Variants in LRFN5 observed in about 807,000 individuals in gnomAD.
LRFN5 encodes leucine-rich repeat and fibronectin type-III domain-containing protein 5.
In LRFN5, 24 loss-of-function variants were observed where a neutral mutation model predicts 45.6. The ratio of observed to expected loss-of-function variants is 0.53; its 90% CI spans 0.38 to 0.74. The LOEUF is 0.74. Among genes scored for constraint, LRFN5 ranks in the 30% least tolerant of loss-of-function variants. The pLI, the probability that LRFN5 is intolerant of heterozygous loss-of-function variation, is 0.00. For missense variants in LRFN5, 776 were observed against 861.5 expected, an observed-to-expected ratio of 0.90 and a Z score of 1.24; for synonymous variants, 340 against 313.8, an observed-to-expected ratio of 1.08 and a Z score of -0.88.
chr14:41,663,125 T>C (rs1365801326), intron 1 of LRFN5, among the ~76,000 whole-genome samples: 5 of 152,152 alleles, frequency 3.3e-5, no homozygotes, highest in Non-Finnish European at 7.4e-5. Context: ...GAGAGGTGAC[T>C]AACATTATTT....
intron 2 of LRFN5, among the ~76,000 whole-genome samples, chr14:41,817,776 C>T (rs1887971165): frequency 6.6e-6 from 1 of 152,078 alleles, no homozygotes; most frequent in Non-Finnish European, 1.5e-5. Flanking sequence ...GGGTAAAATA[C>T]AAAAGGGTAA....
At chr14:41,852,921 A>T (rs1483854575) in intron 2 of LRFN5, among the ~76,000 whole-genome samples, 4 of 151,916 alleles carry the variant, frequency 2.6e-5, no homozygotes, top group Admixed American at 1.3e-4. Flanking sequence ...TTTTTTCTTT[A>T]TAACTAAAAT....
intron 2 of LRFN5, among the ~76,000 whole-genome samples, chr14:41,844,400 A>G (rs986935432): frequency 2.1e-4 from 31 of 151,050 alleles, no homozygotes; most frequent in East Asian, 3.9e-4. Flanking sequence ...TCTTGCCACC[A>G]CACTCCAGCC....
chr14:41,776,449 G>A (rs1056627021), intron 2 of LRFN5, among the ~76,000 whole-genome samples: 2 of 152,058 alleles, frequency 1.3e-5, no homozygotes, highest in Admixed American at 6.6e-5. Flanking sequence ...TTACCTATGC[G>A]AATAACACAG....
intron 1 of LRFN5, among the ~76,000 whole-genome samples, chr14:41,746,792 A>G (rs996417032): frequency 6.6e-6 from 1 of 152,050 alleles, no homozygotes; most frequent in Non-Finnish European, 1.5e-5. Flanking sequence ...TGATCTTTTA[A>G]GTAGAAAATG....
intron 1 of LRFN5, among the ~76,000 whole-genome samples, chr14:41,653,861 A>C (rs1443103160): frequency 6.6e-6 from 1 of 152,124 alleles, no homozygotes; most frequent in Non-Finnish European, 1.5e-5. Context: ...GATACAGCTG[A>C]CAGGAGTAAC....
intron 2 of LRFN5, among the ~76,000 whole-genome samples, chr14:41,861,624 G>A (rs534121259): frequency 6.6e-6 from 1 of 152,282 alleles, no homozygotes; most frequent in African/African-American, 2.4e-5. Context: ...TCCAATGTCT[G>A]ACAGAATGCT....
chr14:41,886,056 T>C (rs1262801562), intron 2 of LRFN5, among the ~76,000 whole-genome samples: 1 of 150,562 alleles, frequency 6.6e-6, no homozygotes, highest in Non-Finnish European at 1.5e-5. Flanking sequence ...AAGGTTGATC[T>C]ATGTCAAGAT....
intron 1 of LRFN5, among the ~76,000 whole-genome samples, chr14:41,645,025 A>AT (rs1423830075): frequency 2.0e-5 from 3 of 152,214 alleles, no homozygotes; most frequent in African/African-American, 7.2e-5. Flanking sequence ...TTTGGTATGG[A>AT]TTAGTCCAAC....
intron 1 of LRFN5, among the ~76,000 whole-genome samples, chr14:41,638,719 AC>A (rs1198651444): frequency 1.3e-5 from 2 of 152,080 alleles, no homozygotes; most frequent in Non-Finnish European, 2.9e-5. Context: ...AATTAATGTA[AC>A]CTAATATGAT....
rs61109523 is a variant in LRFN5 at position 41,742,312 on chromosome 14, TACACAC to T, written c.-196-24513_-196-24508del. On this transcript the variant is annotated intron_variant, in intron 1 of 5. Coordinates refer to ENST00000298119, the MANE Select transcript of LRFN5 (RefSeq NM_152447.5). ...ATTAATGAAGAAAATGTGGTGTGTATACACACACACACACACACACACACACACACA... is the reference window on the plus strand; with the variant it reads ...ATTAATGAAGAAAATGTGGTGTGTATACACACACACACACACACACACACA... Among the ~76,000 whole-genome samples the T allele has an allele frequency of 1.5e-3, 217 of 145,232 alleles. 1 individual carries two copies. Among genetic ancestry groups the T allele is most frequent in the African/African-American group, 4.3e-3 (173 of 39,914 alleles).
intron 1 of LRFN5, among the ~76,000 whole-genome samples, chr14:41,645,635 G>T (rs1341431894): frequency 6.6e-6 from 1 of 152,148 alleles, no homozygotes; most frequent in South Asian, 2.1e-4. Context: ...AGCATTTAAG[G>T]TCACATGTTC....
At chr14:41,842,110 T>C (rs1204817058) in intron 2 of LRFN5, among the ~76,000 whole-genome samples, 1 of 152,040 alleles carries the variant, frequency 6.6e-6, no homozygotes, top group Non-Finnish European at 1.5e-5. Flanking sequence ...ATGCTATAAA[T>C]AATAGCTGGG....
intron 2 of LRFN5, among the ~76,000 whole-genome samples, chr14:41,848,874 T>A (rs1889162527): frequency 6.6e-6 from 1 of 152,088 alleles, no homozygotes; most frequent in South Asian, 2.1e-4. Context: ...ACCCTGAGAA[T>A]AAAGACTTCT....
In LRFN5 at chr14:41,840,296, G is replaced by A. The variant is rs956421491; in HGVS notation, c.-20-46310G>A. The stretch of plus-strand genomic sequence containing the variant: ...AAAAAGGAATTCAAGCAGCAAATAC[G>A]TAGACTAATAACTTCACATCTCTAA... On this transcript the variant is annotated intron_variant, in intron 2 of 5. Coordinates refer to ENST00000298119, the MANE Select transcript of LRFN5 (RefSeq NM_152447.5). 3.2e-4 allele frequency among the ~76,000 whole-genome samples: 48 copies of A among 151,962 alleles called. 1 individual carries two copies. The highest frequency in any genetic ancestry group is 1.1e-3 in the African/African-American group (44 of 41,428).
At chr14:41,856,675 A>ATTATTATTATTATTATTATTTT in intron 2 of LRFN5, among the ~76,000 whole-genome samples, 1 of 18,336 alleles carries the variant, frequency 5.5e-5, no homozygotes, top group African/African-American at 1.3e-4. Flanking sequence ...TATTATTATT[A>ATTATTATTATTATTATTATTTT]TTTTTTTTTT....
At chr14:41,641,084 A>G (rs866218250) in intron 1 of LRFN5, among the ~76,000 whole-genome samples, 3 of 152,116 alleles carry the variant, frequency 2.0e-5, no homozygotes, top group Admixed American at 1.3e-4. Flanking sequence ...CACACTCTCT[A>G]AAGTGCAAAT....
chr14:41,760,689 G>A (rs1408295372), intron 1 of LRFN5, among the ~76,000 whole-genome samples: 2 of 151,984 alleles, frequency 1.3e-5, no homozygotes, highest in African/African-American at 4.8e-5. Context: ...GATGAGAGAG[G>A]GAGGGAGGAA....
At chr14:41,684,040 T>G (rs905567632) in intron 1 of LRFN5, among the ~76,000 whole-genome samples, 1 of 152,188 alleles carries the variant, frequency 6.6e-6, no homozygotes, top group African/African-American at 2.4e-5. Context: ...TTACTTGACT[T>G]CAAATTATAC....
Sources: gnomAD v4.1 joint callset for allele counts (sites outside exome capture counted in the v4.1 genomes callset) on GRCh38, gnomAD v4.1.1 for gene constraint, MANE v1.5 for transcripts, NCBI Gene and HGNC (gene_info 2026-07-23, HGNC 2026-07-21) for gene names.